ANKRD13B: variants seen among roughly 807,000 people sequenced by gnomAD.
The protein encoded by ANKRD13B is ankyrin repeat domain 13B.
A neutral mutation model predicts 74.4 loss-of-function variants in ANKRD13B; 33 were observed. The ratio of observed to expected loss-of-function variants is 0.44; its 90% CI spans 0.34 to 0.59. The LOEUF (loss-of-function observed/expected upper bound fraction) is 0.59. ANKRD13B is among the 20% of genes least tolerant of loss of function. The pLI is 0.02. For synonymous variants in ANKRD13B, 341 were observed against 362.9 expected (o/e 0.94, Z 0.68); for missense variants, 676 against 877.9 (o/e 0.77, Z 2.91).
chr17:29,595,182 G>A (rs575978207), intron 1 of ANKRD13B, among the ~76,000 whole-genome samples: 1 of 152,338 alleles, frequency 6.6e-6, no homozygotes, highest in East Asian at 1.9e-4. Context: ...GTGCCCCCAG[G>A]AAACAGATGA....
Position 29,612,104 on chromosome 17 carries a change from T to C in ANKRD13B, c.1101-12T>C. 6.2e-7 allele frequency: 1 copy of C among 1,613,056 alleles called. No individual in the cohort carries two copies. Among genetic ancestry groups the C allele is most frequent in the Non-Finnish European group, 8.5e-7 (1 of 1,179,208 alleles). Reference sequence around the variant, plus strand: ...GCAGTGTCCCTTACCCCTTGGGATCTGGTGGGGGCAGGTTCAAGGCCAAGC... The same window carrying C: ...GCAGTGTCCCTTACCCCTTGGGATCCGGTGGGGGCAGGTTCAAGGCCAAGC... On this transcript the variant is annotated splice_polypyrimidine_tract_variant and intron_variant, in intron 10 of 14. Coordinates refer to ENST00000394859, the MANE Select transcript of ANKRD13B (RefSeq NM_152345.5). This position sits in a 1 kb window ranked among gnomAD's most constrained non-coding sequence, Gnocchi z 6.1.
intron 1 of ANKRD13B, among the ~76,000 whole-genome samples, chr17:29,598,988 A>T (rs2034057274): frequency 6.6e-6 from 1 of 152,224 alleles, no homozygotes; most frequent in Non-Finnish European, 1.5e-5. Flanking sequence ...CAGTGAACAA[A>T]GCAGGCAGGG....
chr17:29,593,896 T>TGGGAGCGGGCCCTGCCCGCC (rs749329666), intron 1 of ANKRD13B, 161 bp downstream of exon 1: 4 of 203,802 alleles, frequency 2.0e-5, no homozygotes, highest in South Asian at 1.3e-4. Flanking sequence ...GAAAGGGTGA[T>TGGGAGCGGGCCCTGCCCGCC]CCCCTCCGGC....
Position 29,611,564 on chromosome 17 carries a change from C to T in ANKRD13B, c.905-15C>T, listed in dbSNP as rs375514948. 5.0e-6 allele frequency: 8 copies of T among 1,613,780 alleles called. No individual in the cohort carries two copies. The African/African-American group carries it at 1.1e-4, about 22-fold the overall frequency. ...TGGAGTTGCGGTGTCCTCTGAGATG[C>T]CACATTTCTTGTAGGCTGTAAGACA... On this transcript the variant is annotated splice_polypyrimidine_tract_variant and intron_variant, in intron 8 of 14. Coordinates refer to ENST00000394859, the MANE Select transcript of ANKRD13B (RefSeq NM_152345.5). This position sits in a 1 kb window ranked among gnomAD's most constrained non-coding sequence, Gnocchi z 4.3.
chr17:29,609,276 G>A lies in ANKRD13B; in HGVS notation c.755+1G>A, dbSNP rs754079725. On this transcript the variant is annotated splice_donor_variant, in intron 6 of 14. Transcript: ENST00000394859. LOFTEE classifies it high-confidence loss of function. This position sits in a 1 kb window ranked among gnomAD's most constrained non-coding sequence, Gnocchi z 4.0. Reference sequence around the variant, plus strand: ...ACACCAAGAATATCTCCTTTGAGAGGTGGGTGGACATGGCCTTGGTCACCC... The same window carrying A: ...ACACCAAGAATATCTCCTTTGAGAGATGGGTGGACATGGCCTTGGTCACCC... 1 of 1,613,056 alleles carries A rather than the reference G, an allele frequency of 6.2e-7. No individual in the cohort carries two copies. The highest frequency in any genetic ancestry group is 1.3e-5 in the African/African-American group (1 of 75,052).
Position 29,610,671 on chromosome 17 carries a change from TC to T in ANKRD13B, c.823-13del. 1 of 1,613,472 alleles carries T rather than the reference TC, an allele frequency of 6.2e-7. No homozygotes were observed. On this transcript the variant is annotated splice_polypyrimidine_tract_variant and intron_variant, in intron 7 of 14. Coordinates refer to ENST00000394859, the MANE Select transcript of ANKRD13B (RefSeq NM_152345.5). ...CCAGAACTGCTTATGAGCCCTTTCT[TC>T]ATCTGTCCCCAGGTGTATGGGGCAT...
chr17:29,596,333 C>A (rs1403166170), intron 1 of ANKRD13B, among the ~76,000 whole-genome samples: 1 of 152,230 alleles, frequency 6.6e-6, no homozygotes. Flanking sequence ...GGGCACCCAG[C>A]AGTGCTGTGA....
chr17:29,607,716 A>G (rs373493420), intron 1 of ANKRD13B, 26 bp from the exon 2 acceptor site: 2 of 1,587,434 alleles, frequency 1.3e-6, no homozygotes. Context: ...CTGGGGCTTT[A>G]TCTTCCACTC....
At position 29,611,976 on chromosome 17, in the gene ANKRD13B, G is replaced by A. The variant is rs763344660; in HGVS notation, c.1070G>A (p.Arg357His). Residue 357 changes from arginine (R) to histidine (H), a missense_variant, in exon 10 of 15, where the codon CGC becomes CAC. Arg to His is a conservative substitution (Grantham distance 29, BLOSUM62 0). This residue lies in a region of ANKRD13B where 328 missense variants were observed against 518.4 expected (regional missense o/e 0.63). Transcript: ENST00000394859. The surrounding 1 kb of genome is among the most constrained non-coding windows in gnomAD (Gnocchi z 4.3). Reference sequence around the variant, plus strand: ...GAGCTGGGCAACCGTGATATGGGCCGCCCCATGGAACTGACCACCAAGACA... The same window carrying A: ...GAGCTGGGCAACCGTGATATGGGCCACCCCATGGAACTGACCACCAAGACA... ...NFELGNRDMGRPMELTTKTQK... is the reference protein window; with the variant it reads ...NFELGNRDMGHPMELTTKTQK... 7.4e-6 allele frequency: 12 copies of A among 1,613,738 alleles called. No homozygotes were observed. The highest frequency in any genetic ancestry group is 9.3e-6 in the Non-Finnish European group (11 of 1,179,832).
At position 29,614,397 on chromosome 17, in the gene ANKRD13B, C is replaced by T. The variant is rs2034731377; in HGVS notation, c.*815C>T. 6.5e-6 allele frequency: 1 copy of T among 152,790 alleles called. No homozygotes were observed. The highest frequency in any genetic ancestry group is 2.4e-5 in the African/African-American group (1 of 41,374). 9.5% of individuals were successfully genotyped at this position (152,790 alleles called of 1,614,324 possible). ...TGGACACAAAGGGCTCGCCCAGGGC[C>T]CTGGCGCCACCCCCACCCCTTCCCA... On this transcript the variant is annotated 3_prime_UTR_variant, in exon 15 of 15. Coordinates refer to ENST00000394859, the MANE Select transcript of ANKRD13B (RefSeq NM_152345.5).
At chr17:29,599,904 T>A (rs574073863) in intron 1 of ANKRD13B, among the ~76,000 whole-genome samples, 4 of 113,502 alleles carry the variant, frequency 3.5e-5, no homozygotes, top group African/African-American at 1.4e-4. Flanking sequence ...TGATACGGAG[T>A]CTCGCTCTGT....
chr17:29,611,475 C>A lies in ANKRD13B; in HGVS notation c.905-104C>A. 8.0e-7 allele frequency: 1 copy of A among 1,251,226 alleles called. No individual in the cohort carries two copies. Among genetic ancestry groups the A allele is most frequent in the Non-Finnish European group, 1.2e-6 (1 of 861,510 alleles). The allele number at this position is 1,251,226 out of a possible 1,614,324, so 77.5% of individuals were successfully genotyped here. ...GTGGTTGGGTGAGCAGGCCCCACCC[C>A]AGGAACCGGCCTCCTCCCTAGGTCT... On this transcript the variant is annotated intron_variant, in intron 8 of 14. Transcript: ENST00000394859. The surrounding 1 kb of genome is among the most constrained non-coding windows in gnomAD (Gnocchi z 4.3).
chr17:29,597,136 C>T (rs974226461), intron 1 of ANKRD13B, among the ~76,000 whole-genome samples: 136 of 152,356 alleles, frequency 8.9e-4, no homozygotes, highest in Non-Finnish European at 1.4e-3. Flanking sequence ...ACAGGCTCTG[C>T]GTCCCTCACC....
chr17:29,613,636 A>G lies in ANKRD13B; in HGVS notation c.*54A>G. Reference sequence around the variant, plus strand: ...CACGCGCGCCACGCCCAGGGCCAGGAGCCAGACAAACCCCGGCCTGCGCGC... The same window carrying G: ...CACGCGCGCCACGCCCAGGGCCAGGGGCCAGACAAACCCCGGCCTGCGCGC... On this transcript the variant is annotated 3_prime_UTR_variant, in exon 15 of 15. Coordinates refer to ENST00000394859, the MANE Select transcript of ANKRD13B (RefSeq NM_152345.5). 1 of 1,385,560 alleles carries G rather than the reference A, an allele frequency of 7.2e-7. No homozygotes were observed. The highest frequency in any genetic ancestry group is 9.3e-7 in the Non-Finnish European group (1 of 1,073,394). 85.8% of individuals were successfully genotyped at this position (1,385,560 alleles called of 1,614,324 possible). A position where few individuals can be genotyped will look rare whatever the true frequency, so the allele number is the denominator to read the frequency against.
In ANKRD13B at chr17:29,593,546, G is replaced by A; in HGVS notation, c.-76G>A. ...GCAGGCAGCGCCGGCCCCCCGCCCC[G>A]CGGCCCCGGGCCCCGGCTCCGGCGC... On this transcript the variant is annotated 5_prime_UTR_variant, in exon 1 of 15. Coordinates refer to ENST00000394859, the MANE Select transcript of ANKRD13B (RefSeq NM_152345.5). The A allele has an allele frequency of 1.6e-6, 1 of 622,664 alleles. No individual in the cohort carries two copies. The highest frequency in any genetic ancestry group is 6.9e-5 in the South Asian group (1 of 14,568). The allele number at this position is 622,664 out of a possible 1,614,324, so 38.6% of individuals were successfully genotyped here.
chr17:29,608,668 G>A lies in ANKRD13B; in HGVS notation c.422-183G>A, dbSNP rs2034474034. 1 of 790,026 alleles carries A rather than the reference G, an allele frequency of 1.3e-6. No individual in the cohort carries two copies. 48.9% of individuals were successfully genotyped at this position (790,026 alleles called of 1,614,324 possible). A position where few individuals can be genotyped will look rare whatever the true frequency, so the allele number is the denominator to read the frequency against. On this transcript the variant is annotated intron_variant, in intron 4 of 14. Coordinates refer to ENST00000394859, the MANE Select transcript of ANKRD13B (RefSeq NM_152345.5). This position sits in a 1 kb window ranked among gnomAD's most constrained non-coding sequence, Gnocchi z 6.4. Reference sequence around the variant, plus strand: ...AGAAACATGCCCGTCCCGACCTCAGGTTGCTCTTCTGTGTGAGTATGGTCT... The same window carrying A: ...AGAAACATGCCCGTCCCGACCTCAGATTGCTCTTCTGTGTGAGTATGGTCT...
At position 29,612,047 on chromosome 17, in the gene ANKRD13B, C is replaced by T; in HGVS notation, c.1100+41C>T. 2 of 1,608,520 alleles carry T rather than the reference C, an allele frequency of 1.2e-6. No individual in the cohort carries two copies. Among genetic ancestry groups the T allele is most frequent in the Non-Finnish European group, 1.7e-6 (2 of 1,176,532 alleles). ...GTGCTGGGAAGGTGGGGGGCCGGGG[C>T]TCCAGGAGATGCTGGGAGGCCATGG... On this transcript the variant is annotated intron_variant, in intron 10 of 14. Transcript: ENST00000394859. The surrounding 1 kb of genome is among the most constrained non-coding windows in gnomAD (Gnocchi z 6.1).
chr17:29,599,865 GT>G (rs35600194), intron 1 of ANKRD13B, among the ~76,000 whole-genome samples: 18 of 50,766 alleles, frequency 3.5e-4, no homozygotes, highest in East Asian at 1.2e-3. Context: ...CATCTAATTT[GT>G]TTTTTTTTTT....
At chr17:29,606,592 AC>A (rs1347995312) in intron 1 of ANKRD13B, among the ~76,000 whole-genome samples, 1 of 151,586 alleles carries the variant, frequency 6.6e-6, no homozygotes, top group Non-Finnish European at 1.5e-5. Context: ...AACAAAACTT[AC>A]GTTTAACAAA....
Sources: gnomAD v4.1 joint callset for allele counts (sites outside exome capture counted in the v4.1 genomes callset) on GRCh38, gnomAD v4.1.1 for gene constraint, gnomAD v4.1.1 regional missense constraint, Gnocchi (gnomAD v3.1) non-coding constraint, MANE v1.5 for transcripts, NCBI Gene and HGNC (gene_info 2026-07-23, HGNC 2026-07-21) for gene names.